WDR20: variants seen among roughly 807,000 people sequenced by gnomAD.
WDR20 encodes WD repeat-containing protein 20.
In WDR20, 3 loss-of-function variants were observed where a neutral mutation model predicts 38.7. The ratio of observed to expected loss-of-function variants is 0.08; its 90% CI spans 0.04 to 0.20. WDR20 has a LOEUF of 0.20. Among genes scored for constraint, WDR20 ranks in the 10% least tolerant of loss-of-function variants. The pLI, the probability that WDR20 is intolerant of heterozygous loss-of-function variation, is 1.00. For missense variants in WDR20, 559 were observed against 727.7 expected, an observed-to-expected ratio of 0.77 and a Z score of 2.67; for synonymous variants, 298 against 285.6, an observed-to-expected ratio of 1.04 and a Z score of -0.44.
chr14:102,153,688 T>A (rs928474728), intron 1 of WDR20, among the ~76,000 whole-genome samples: 16 of 152,190 alleles, frequency 1.1e-4, no homozygotes, highest in African/African-American at 3.4e-4. Flanking sequence ...TAGATGAGAT[T>A]TGCTAGTACA....
At chr14:102,158,525 T>A (rs2057958502) in intron 1 of WDR20, among the ~76,000 whole-genome samples, 1 of 152,086 alleles carries the variant, frequency 6.6e-6, no homozygotes, top group South Asian at 2.1e-4. Flanking sequence ...CTCAAACTCC[T>A]GACCTTATGA....
intron 1 of WDR20, among the ~76,000 whole-genome samples, chr14:102,171,180 G>A (rs1441555859): frequency 1.3e-5 from 2 of 150,410 alleles, no homozygotes; most frequent in African/African-American, 4.9e-5. Context: ...TCAAACTCCT[G>A]ACCTTGTGAT....
chr14:102,204,556 G>A (rs564745799), intron 2 of WDR20, among the ~76,000 whole-genome samples: 13 of 152,192 alleles, frequency 8.5e-5, no homozygotes, highest in Admixed American at 5.2e-4. Flanking sequence ...CATATGGTAC[G>A]CACTCAATAC....
In WDR20 at chr14:102,209,936, G is replaced by T; in HGVS notation, c.*56G>T. 1 of 1,524,964 alleles carries T rather than the reference G, an allele frequency of 6.6e-7. No individual in the cohort carries two copies. The highest frequency in any genetic ancestry group is 8.7e-7 in the Non-Finnish European group (1 of 1,143,082). 94.5% of individuals were successfully genotyped at this position (1,524,964 alleles called of 1,614,324 possible). On this transcript the variant is annotated 3_prime_UTR_variant, in exon 3 of 3. Coordinates refer to ENST00000342702, the MANE Select transcript of WDR20 (RefSeq NM_144574.4). The surrounding 1 kb of genome is among the most constrained non-coding windows in gnomAD (Gnocchi z 6.0). ...AGTGACTTTTTTCTTTTTCGTGGGA[G>T]GGGTGGGGTGTACAATGAATGTGAA...
chr14:102,165,138 G>A (rs1456686181), intron 1 of WDR20, among the ~76,000 whole-genome samples: 1 of 151,996 alleles, frequency 6.6e-6, no homozygotes, highest in Non-Finnish European at 1.5e-5. Context: ...TCATTTTTGG[G>A]TGGAACTGTG....
downstream of WDR20, among the ~76,000 whole-genome samples, chr14:102,218,487 C>T (rs762172358): frequency 2.8e-4 from 43 of 152,212 alleles, no homozygotes; most frequent in Admixed American, 5.2e-4. Context: ...ATCTCCAGTC[C>T]GAGCAGCACC....
At chr14:102,213,781 A>T (rs1481040764), downstream of WDR20, 2 of 985,214 alleles carry the variant, frequency 2.0e-6, no homozygotes, top group African/African-American at 3.5e-5. Context: ...CTCGCCTGGG[A>T]GGGAGACGTT....
intron 1 of WDR20, among the ~76,000 whole-genome samples, chr14:102,156,256 C>T (rs1052534649): frequency 1.3e-5 from 2 of 151,686 alleles, no homozygotes; most frequent in African/African-American, 2.4e-5. Flanking sequence ...CAAGCTCCAC[C>T]TCCCGGGTTC....
intron 1 of WDR20, chr14:102,193,343 C>G (rs1002978566): frequency 3.9e-5 from 39 of 1,004,708 alleles, no homozygotes; most frequent in Non-Finnish European, 5.3e-5. Context: ...AGCGGCCGCT[C>G]CCCTCCACTG....
In WDR20 at chr14:102,168,758, G is replaced by A. The variant is rs536669864; in HGVS notation, c.250-26180G>A. 2.0e-5 allele frequency among the ~76,000 whole-genome samples: 3 copies of A among 152,174 alleles called. No homozygotes were observed. In the South Asian group the frequency reaches 6.2e-4, roughly 32 times the overall value. On this transcript the variant is annotated intron_variant, in intron 1 of 2. Coordinates refer to ENST00000342702, the MANE Select transcript of WDR20 (RefSeq NM_144574.4). ...TCACGATCTACTTCCAGTCCTTTCA[G>A]TAGAGCCTGTTGACTCTGCCTCTAA...
chr14:102,174,919 T>G (rs773242518), intron 1 of WDR20, among the ~76,000 whole-genome samples: 15 of 152,204 alleles, frequency 9.9e-5, no homozygotes, highest in Non-Finnish European at 1.9e-4. Flanking sequence ...AATTATTTTC[T>G]TGCTGATTTG....
chr14:102,200,206 G>C (rs2060062634), intron 2 of WDR20, among the ~76,000 whole-genome samples: 1 of 152,202 alleles, frequency 6.6e-6, no homozygotes. Context: ...CCAGCTCCCT[G>C]GAGTCTCTGC....
At chr14:102,195,458 C>T (rs372257627) in intron 2 of WDR20, among the ~76,000 whole-genome samples, 31 of 152,298 alleles carry the variant, frequency 2.0e-4, no homozygotes, top group Admixed American at 5.2e-4. Context: ...TTCACATCAC[C>T]AGAACATTTC....
downstream of WDR20, among the ~76,000 whole-genome samples, chr14:102,215,919 C>A (rs189601846): frequency 9.9e-5 from 15 of 152,204 alleles, no homozygotes; most frequent in Non-Finnish European, 1.8e-4. Context: ...AGGCCTACCC[C>A]CCTGCCTGAG....
intron 1 of WDR20, among the ~76,000 whole-genome samples, chr14:102,174,844 A>G (rs988514730): frequency 1.3e-5 from 2 of 152,098 alleles, no homozygotes; most frequent in Non-Finnish European, 2.9e-5. Flanking sequence ...GTCAATTTGT[A>G]TATCTTCTTT....
At chr14:102,145,632 G>A (rs1345347522) in intron 1 of WDR20, among the ~76,000 whole-genome samples, 2 of 152,108 alleles carry the variant, frequency 1.3e-5, no homozygotes, top group Non-Finnish European at 2.9e-5. Context: ...AAGGGTGGGC[G>A]TGGTGTCATG....
chr14:102,214,016 G>A, downstream of WDR20: 2 of 985,504 alleles, frequency 2.0e-6, no homozygotes, highest in Admixed American at 6.1e-5. Flanking sequence ...GGATCCGGTG[G>A]CCCTGCCCTG....
chr14:102,193,377 C>A, intron 1 of WDR20: 5 of 1,416,036 alleles, frequency 3.5e-6, no homozygotes, highest in Middle Eastern at 1.8e-4. Context: ...TCGCTCCAGT[C>A]AGGACTCCCT....
At chr14:102,197,690 G>A (rs2059636936) in intron 2 of WDR20, 2 of 646,616 alleles carry the variant, frequency 3.1e-6, no homozygotes, top group Non-Finnish European at 5.7e-6. Flanking sequence ...ACTGACACTG[G>A]AAGATGTGGG....
Sources: gnomAD v4.1 joint callset for allele counts (sites outside exome capture counted in the v4.1 genomes callset) on GRCh38, gnomAD v4.1.1 for gene constraint, Gnocchi (gnomAD v3.1) non-coding constraint, MANE v1.5 for transcripts, NCBI Gene and HGNC (gene_info 2026-07-23, HGNC 2026-07-21) for gene names.